Variants in MTUS2 observed in about 807,000 individuals in gnomAD.
MTUS2 encodes the protein microtubule associated scaffold protein 2.
A neutral mutation model predicts 114.1 loss-of-function variants in MTUS2; 40 were observed. The observed-to-expected ratio is 0.35, with a 90% confidence interval of 0.27 to 0.46. The LOEUF is 0.46. MTUS2 is among the 20% of genes least tolerant of loss of function. MTUS2 has a pLI of 1.00. For synonymous variants in MTUS2, 688 were observed against 672.0 expected (o/e 1.02, Z -0.37); for missense variants, 1,679 against 1,705.4 (o/e 0.98, Z 0.27).
intron 5 of MTUS2, among the ~76,000 whole-genome samples, chr13:29,275,366 T>C (rs539968706): frequency 6.6e-5 from 10 of 152,356 alleles, no homozygotes; most frequent in South Asian, 2.1e-4. Flanking sequence ...ATTCTTTGTG[T>C]TATAAACAAT....
intron 5 of MTUS2, among the ~76,000 whole-genome samples, chr13:29,157,799 G>T (rs886597283): frequency 1.3e-5 from 2 of 151,402 alleles, no homozygotes; most frequent in African/African-American, 4.8e-5. Context: ...TAGATAGATA[G>T]ATATAGATAC....
chr13:29,019,513 G>A (rs1349069387), intron 2 of MTUS2, among the ~76,000 whole-genome samples: 1 of 152,188 alleles, frequency 6.6e-6, no homozygotes, highest in Non-Finnish European at 1.5e-5. Context: ...AGGATAGAAC[G>A]ATGCATTGAG....
intron 2 of MTUS2, among the ~76,000 whole-genome samples, chr13:28,851,375 A>T (rs550079044): frequency 6.6e-6 from 1 of 152,342 alleles, no homozygotes; most frequent in East Asian, 1.9e-4. Flanking sequence ...AGTGGTTCCC[A>T]AAGCCATGGC....
chr13:29,048,129 TTTTCTTA>T (rs1231006935), intron 4 of MTUS2, among the ~76,000 whole-genome samples: 2 of 152,248 alleles, frequency 1.3e-5, no homozygotes, highest in Non-Finnish European at 2.9e-5. Context: ...GTCACTAATC[TTTTCTTA>T]TGCAGTATCT....
intron 5 of MTUS2, among the ~76,000 whole-genome samples, chr13:29,229,656 A>G (rs192288888): frequency 6.6e-6 from 1 of 152,316 alleles, no homozygotes; most frequent in African/African-American, 2.4e-5. Context: ...TAAAGGTATA[A>G]AATCCAACAA....
At chr13:29,232,709 G>T (rs1366526711) in intron 5 of MTUS2, among the ~76,000 whole-genome samples, 1 of 152,126 alleles carries the variant, frequency 6.6e-6, no homozygotes, top group African/African-American at 2.4e-5. Flanking sequence ...TGGAGAGAAG[G>T]GGGAGTTAGT....
chr13:29,117,987 T>C (rs982355821), intron 5 of MTUS2, among the ~76,000 whole-genome samples: 1 of 152,194 alleles, frequency 6.6e-6, no homozygotes, highest in South Asian at 2.1e-4. Context: ...GAGCTGCTGC[T>C]GTTTGAAGCA....
chr13:29,467,239 C>T (rs915922863), intron 9 of MTUS2, among the ~76,000 whole-genome samples: 16 of 152,158 alleles, frequency 1.1e-4, no homozygotes, highest in African/African-American at 2.9e-4. Context: ...TGTGTTTAAA[C>T]ATTTTTCAGT....
chr13:29,459,099 T>G (rs922688097), intron 9 of MTUS2, among the ~76,000 whole-genome samples: 6 of 152,214 alleles, frequency 3.9e-5, no homozygotes, highest in Admixed American at 6.5e-5. Flanking sequence ...TTCGCATCGC[T>G]TGGACCCAAG....
intron 8 of MTUS2, among the ~76,000 whole-genome samples, chr13:29,370,240 C>G (rs1871088800): frequency 1.3e-5 from 2 of 151,950 alleles, no homozygotes; most frequent in African/African-American, 4.8e-5. Context: ...GCATGTGTCC[C>G]CCAAAAGTTG....
intron 5 of MTUS2, among the ~76,000 whole-genome samples, chr13:29,150,560 A>G (rs1202803604): frequency 2.0e-5 from 3 of 152,018 alleles, no homozygotes; most frequent in African/African-American, 7.2e-5. Flanking sequence ...CCACTTGTCA[A>G]TTTTTGTTTT....
intron 9 of MTUS2, among the ~76,000 whole-genome samples, chr13:29,442,277 C>A (rs1163663091): frequency 1.3e-5 from 2 of 152,132 alleles, no homozygotes; most frequent in African/African-American, 4.8e-5. Context: ...CAAATAAATA[C>A]CTCCCAGCTC....
chr13:29,242,509 A>G (rs543613210), intron 5 of MTUS2: 2 of 161,328 alleles, frequency 1.2e-5, no homozygotes, highest in African/African-American at 2.4e-5. Flanking sequence ...GGTAATAAAT[A>G]TTTCAAAAAC....
chr13:29,364,502 C>T (rs1438146461), intron 8 of MTUS2, among the ~76,000 whole-genome samples: 33 of 152,270 alleles, frequency 2.2e-4, no homozygotes, highest in Non-Finnish European at 4.4e-5. Context: ...GAAGCTGGCC[C>T]CAGCTCACCT....
At chr13:29,147,989 C>T (rs980082162) in intron 5 of MTUS2, among the ~76,000 whole-genome samples, 5 of 152,106 alleles carry the variant, frequency 3.3e-5, no homozygotes, top group Non-Finnish European at 7.4e-5. Flanking sequence ...AATGATAGTT[C>T]TGTTTTCAGT....
intron 7 of MTUS2, among the ~76,000 whole-genome samples, chr13:29,337,857 C>T (rs184259552): frequency 4.7e-5 from 7 of 149,566 alleles, no homozygotes; most frequent in African/African-American, 1.2e-4. Context: ...GGCACAATCT[C>T]GGCTCACTGC....
At chr13:29,033,411 A>G (rs189437283) in intron 3 of MTUS2, among the ~76,000 whole-genome samples, 4 of 152,136 alleles carry the variant, frequency 2.6e-5, no homozygotes, top group African/African-American at 9.7e-5. Context: ...TTTGCTTCCT[A>G]AGTAGCCCAG....
At chr13:29,138,548 G>T (rs1422531043) in intron 5 of MTUS2, among the ~76,000 whole-genome samples, 3 of 140,242 alleles carry the variant, frequency 2.1e-5, no homozygotes, top group Non-Finnish European at 4.7e-5. Context: ...TACATTACTG[G>T]AAAGACTATA....
chr13:29,151,369 C>T (rs554960229), intron 5 of MTUS2, among the ~76,000 whole-genome samples: 10 of 152,024 alleles, frequency 6.6e-5, no homozygotes, highest in Admixed American at 2.0e-4. Flanking sequence ...AAAATACCAC[C>T]GGTTTTTGTC....
Sources: allele counts gnomAD v4.1 joint callset (sites outside exome capture counted in the v4.1 genomes callset), GRCh38; gene constraint gnomAD v4.1.1; transcripts MANE v1.5; gene names NCBI Gene and HGNC (gene_info 2026-07-23, HGNC 2026-07-21).